The following MTRR variants were observed in gnomAD, a reference collection of about 807,000 sequenced individuals.
The protein encoded by MTRR is 5-methyltetrahydrofolate-homocysteine methyltransferase reductase.
A neutral mutation model predicts 79.2 loss-of-function variants in MTRR; 63 were observed. The observed-to-expected ratio is 0.80, with a 90% CI of 0.65 to 0.98. The LOEUF is 0.98. MTRR is among the 50% of genes least tolerant of loss of function. The probability of loss-of-function intolerance (pLI) is 0.00; values close to 1 mark genes in which losing one functional copy is unlikely to be tolerated. For synonymous variants in MTRR, 355 were observed against 313.3 expected (o/e 1.13, Z -1.41); for missense variants, 895 against 839.6 (o/e 1.07, Z -0.82).
intron 6 of MTRR, among the ~76,000 whole-genome samples, chr5:7,884,800 G>T (rs1333815132): frequency 6.6e-6 from 1 of 152,112 alleles, no homozygotes; most frequent in Non-Finnish European, 1.5e-5. Flanking sequence ...AGTCTTGAGA[G>T]GTTAAGTGGG....
In MTRR at chr5:7,855,433, G is replaced by A. The variant is rs912786629; in HGVS notation, n.391+3848G>A. Among the ~76,000 whole-genome samples the A allele has an allele frequency of 3.0e-4, 40 of 131,734 alleles. 1 individual carries two copies. Among genetic ancestry groups the A allele is most frequent in the Admixed American group, 3.7e-4 (5 of 13,390 alleles). The allele number at this position is 131,734 out of a possible 152,430, so 86.4% of individuals were successfully genotyped here. A position where few individuals can be genotyped will look rare whatever the true frequency, so the allele number is the denominator to read the frequency against. ...AACATTCCAGTGGAAAAAAAAAAAA[G>A]AAAAAGTTAAAGAATAGATGAAACA... On this transcript the variant is annotated intron_variant and non_coding_transcript_variant, in intron 1 of 3. Coordinates refer to the MTRR transcript ENST00000502509.
At chr5:7,888,254 T>G (rs1736957389) in intron 8 of MTRR, among the ~76,000 whole-genome samples, 1 of 152,146 alleles carries the variant, frequency 6.6e-6, no homozygotes, top group Non-Finnish European at 1.5e-5. Flanking sequence ...GTTTGTCAGG[T>G]TTGTCATCTT....
At position 7,883,234 on chromosome 5, in the gene MTRR, A is replaced by G. The variant is rs750009895; in HGVS notation, c.860A>G (p.Asn287Ser). Residue 287 changes from asparagine (N) to serine (S), a missense_variant, in exon 6 of 15, where the codon AAT (asparagine) becomes AGT (serine). Transcript: ENST00000440940. ...PISKAVQLTT[N>S]DAIKTTLLVE... ...TCAAAGGCAGTTCAACTTACTACGA[A>G]TGATGCCATAAAAACCACTCTGCTG... 4 of 1,614,242 alleles carry G rather than the reference A, an allele frequency of 2.5e-6. No individual in the cohort carries two copies. The highest frequency in any genetic ancestry group is 3.4e-6 in the Non-Finnish European group (4 of 1,180,036).
rs961373750 is a variant in MTRR, at chr5:7,878,244, A to T, written c.702A>T (p.Pro234=). Residue 234 remains proline (P), a synonymous_variant, in exon 5 of 15, where the codon CCA becomes CCT. Transcript: ENST00000440940. ...FESSLTRSVP[P]LSQASLNIPG... The stretch of plus-strand genomic sequence containing the variant: ...CCTCACTTACCCGTTCGGTACCCCC[A>T]CTCTCACAAGCCTCTCTGAATATTC... The T allele has an allele frequency of 6.2e-7, 1 of 1,613,954 alleles. No individual in the cohort carries two copies. The highest frequency in any genetic ancestry group is 8.5e-7 in the Non-Finnish European group (1 of 1,179,980).
chr5:7,893,476 G>T (rs976666593), intron 11 of MTRR: 1 of 157,252 alleles, frequency 6.4e-6, no homozygotes, highest in Non-Finnish European at 1.4e-5. Flanking sequence ...ACAACACCTA[G>T]GAGTAAAAGG....
chr5:7,880,887 C>T (rs1735467787), intron 5 of MTRR, among the ~76,000 whole-genome samples: 1 of 152,288 alleles, frequency 6.6e-6, no homozygotes, highest in East Asian at 1.9e-4. Context: ...TTTGAACCCC[C>T]TCTTAACAGA....
intron 4 of MTRR, 81 bp downstream of exon 4, chr5:7,875,456 A>C (rs1364843892): frequency 1.2e-5 from 14 of 1,201,688 alleles, no homozygotes; most frequent in Non-Finnish European, 1.7e-5. Context: ...TCAGCTTTTC[A>C]CTTAACACTG....
At chr5:7,879,058 G>A (rs1194924904) in intron 5 of MTRR, among the ~76,000 whole-genome samples, 1 of 152,072 alleles carries the variant, frequency 6.6e-6, no homozygotes, top group Non-Finnish European at 1.5e-5. Flanking sequence ...GTAAACACCT[G>A]GTATGATAGC....
upstream of MTRR, chr5:7,865,791 A>G (rs1313903465): frequency 1.2e-6 from 1 of 800,270 alleles, no homozygotes; most frequent in African/African-American, 1.7e-5. Flanking sequence ...ACTCCAAGTA[A>G]ATGAAATTCT....
intron 11 of MTRR, among the ~76,000 whole-genome samples, chr5:7,893,347 A>G (rs1001056547): frequency 6.6e-6 from 1 of 152,038 alleles, no homozygotes; most frequent in Non-Finnish European, 1.5e-5. Flanking sequence ...TTAATTTTAT[A>G]TTGTCCAATT....
Position 7,878,073 on chromosome 5 carries a change from A to T in MTRR, c.531A>T (p.Thr177=). Reference sequence around the variant, plus strand: ...TGGCATCACCTGCATCCTCGAGGACAGACCTTGTGAAGTCAGAGCTGCTAC... The same window carrying T: ...TGGCATCACCTGCATCCTCGAGGACTGACCTTGTGAAGTCAGAGCTGCTAC... ...LPVASPASSR[T]DLVKSELLHI... is the part of the protein sequence containing the mutation. The change falls in exon 5 of 15, where the codon ACA becomes ACT. Residue 177 remains threonine (T), a synonymous_variant. Transcript: ENST00000440940. 1.2e-6 allele frequency: 2 copies of T among 1,614,036 alleles called. No individual in the cohort carries two copies. Among genetic ancestry groups the T allele is most frequent in the Non-Finnish European group, 1.7e-6 (2 of 1,180,024 alleles).
rs61536869 is a variant in MTRR, at chr5:7,873,805, G to A, written c.283+279G>A. Among the ~76,000 whole-genome samples, 27,377 of 152,114 alleles carry A rather than the reference G, an allele frequency of 0.18. 3,248 individuals are homozygous for A. Among genetic ancestry groups the A allele is most frequent in the African/African-American group, 0.31 (13,024 of 41,476 alleles). On this transcript the variant is annotated intron_variant, in intron 3 of 14. Coordinates refer to ENST00000440940, the MANE Select transcript of MTRR (RefSeq NM_002454.3). ...AAACATTTTCAGAATAGCAGTGGCT[G>A]GGCCTCATCCTAAACCTACTGAAAC...
At chr5:7,887,799 T>TGC (rs1561238318) in intron 8 of MTRR, among the ~76,000 whole-genome samples, 21 of 35,216 alleles carry the variant, frequency 6.0e-4, no homozygotes, top group African/African-American at 2.1e-3. Context: ...TGTGCATATA[T>TGC]ATATATATAT....
chr5:7,875,662 A>G (rs1180244790), intron 4 of MTRR, among the ~76,000 whole-genome samples: 2 of 152,222 alleles, frequency 1.3e-5, no homozygotes, highest in Non-Finnish European at 2.9e-5. Flanking sequence ...GTATTTGCAG[A>G]AATCAGCTTG....
At chr5:7,869,020 C>G (rs190642147), upstream of MTRR, 2 of 1,287,754 alleles carry the variant, frequency 1.6e-6, no homozygotes, top group Admixed American at 1.7e-5. Flanking sequence ...CGCGGAAGCG[C>G]CTGGGCGTCG....
rs777801608 is a variant in MTRR at position 7,897,091 on chromosome 5, A to T, written c.1796A>T (p.His599Leu). 1.2e-6 allele frequency: 2 copies of T among 1,614,188 alleles called. No individual in the cohort carries two copies. The highest frequency in any genetic ancestry group is 1.7e-5 in the Admixed American group (1 of 60,026). Residue 599 changes from histidine (H) to leucine (L), a missense_variant, in exon 14 of 15, where the codon CAT (histidine) becomes CTT (leucine). His to Leu is a moderately conservative substitution (Grantham distance 99). Transcript: ENST00000440940. ...FRKELRHFLK[H>L]GILTHLKVSF... is the part of the protein sequence containing the mutation. ...AAAGAGCTCAGACATTTCCTTAAGC[A>T]TGGGATCTTAACTCATCTAAAGGTT...
At chr5:7,885,974 A>C (rs1446751620) in intron 7 of MTRR, 120 bp downstream of exon 7, 2 of 1,344,030 alleles carry the variant, frequency 1.5e-6, no homozygotes, top group Non-Finnish European at 2.1e-6. Context: ...CCTGGGGCTC[A>C]GCTGCGCATC....
chr5:7,878,770 A>G (rs1409462016), intron 5 of MTRR, among the ~76,000 whole-genome samples: 3 of 152,234 alleles, frequency 2.0e-5, no homozygotes, highest in East Asian at 1.9e-4. Context: ...ATCACATTGC[A>G]TAATAGCTAA....
chr5:7,853,022 T>C (rs1475142947), intron 1 of MTRR, among the ~76,000 whole-genome samples: 3 of 152,260 alleles, frequency 2.0e-5, no homozygotes, highest in Admixed American at 2.0e-4. Context: ...CATTTTGTCA[T>C]GTCCTAGACC....
Sources: gnomAD v4.1 joint callset for allele counts (sites outside exome capture counted in the v4.1 genomes callset) on GRCh38, gnomAD v4.1.1 for gene constraint, MANE v1.5 for transcripts, NCBI Gene and HGNC (gene_info 2026-07-23, HGNC 2026-07-21) for gene names.